Variants in PLCB1 observed in about 807,000 individuals in gnomAD.
The protein encoded by PLCB1 is 1-phosphatidylinositol 4,5-bisphosphate phosphodiesterase beta-1.
PLCB1 carries 46 observed loss-of-function variants against 161.8 expected under a neutral mutation model. The ratio of observed to expected loss-of-function variants is 0.28; its 90% CI spans 0.22 to 0.36. The LOEUF (loss-of-function observed/expected upper bound fraction) is 0.36. PLCB1 is among the 10% of genes least tolerant of loss of function. PLCB1 has a pLI of 1.00. For missense variants in PLCB1, 1,016 were observed against 1,472.5 expected (o/e 0.69, Z 5.07); for synonymous variants, 517 against 503.7 (o/e 1.03, Z -0.35).
chr20:8,384,490 T>A (rs1411284937), intron 3 of PLCB1, among the ~76,000 whole-genome samples: 3 of 152,030 alleles, frequency 2.0e-5, no homozygotes, highest in African/African-American at 7.2e-5. Context: ...TCAGTGGAGT[T>A]TTTTATTATC....
At chr20:8,559,087 C>A (rs1600152709) in intron 3 of PLCB1, among the ~76,000 whole-genome samples, 1 of 151,678 alleles carries the variant, frequency 6.6e-6, no homozygotes, top group African/African-American at 2.4e-5. Flanking sequence ...CCTCTTTTTT[C>A]TCATATGATT....
intron 2 of PLCB1, among the ~76,000 whole-genome samples, chr20:8,365,994 A>C (rs567194877): frequency 5.9e-5 from 9 of 152,160 alleles, no homozygotes; most frequent in African/African-American, 1.9e-4. Context: ...CTCATCTACC[A>C]CACAGTATGC....
At chr20:8,361,355 C>T (rs549638623) in intron 2 of PLCB1, among the ~76,000 whole-genome samples, 12 of 152,128 alleles carry the variant, frequency 7.9e-5, no homozygotes, top group Admixed American at 2.0e-4. Context: ...ATGCCCTACC[C>T]GTTCTAGACC....
At chr20:8,152,946 C>T (rs1284749611) in intron 2 of PLCB1, among the ~76,000 whole-genome samples, 2 of 152,102 alleles carry the variant, frequency 1.3e-5, no homozygotes, top group East Asian at 3.9e-4. Context: ...TATGCATGTC[C>T]GTCTCTTGTC....
chr20:8,166,186 C>T (rs1451995345), intron 2 of PLCB1, among the ~76,000 whole-genome samples: 1 of 152,070 alleles, frequency 6.6e-6, no homozygotes, highest in African/African-American at 2.4e-5. Flanking sequence ...CCTGCCTATG[C>T]TCTCCCCATT....
At chr20:8,501,964 A>G (rs1406185079) in intron 3 of PLCB1, among the ~76,000 whole-genome samples, 1 of 142,616 alleles carries the variant, frequency 7.0e-6, no homozygotes, top group South Asian at 2.3e-4. Context: ...TATTCTCCAA[A>G]GTTGATATTG....
intron 3 of PLCB1, among the ~76,000 whole-genome samples, chr20:8,507,659 C>CA (rs1358157688): frequency 1.3e-5 from 2 of 152,056 alleles, no homozygotes; most frequent in Non-Finnish European, 2.9e-5. Flanking sequence ...TAAAAATTTA[C>CA]AACAAGGAAG....
At chr20:8,658,827 C>T (rs2076639) in intron 9 of PLCB1, 123 bp downstream of exon 9, 8 of 776,796 alleles carry the variant, frequency 1.0e-5, no homozygotes, top group Middle Eastern at 2.5e-4. Context: ...GCATTCCTTT[C>T]GGTCTGAAAT....
intron 2 of PLCB1, among the ~76,000 whole-genome samples, chr20:8,254,908 A>C (rs1349778347): frequency 1.3e-5 from 2 of 152,010 alleles, no homozygotes; most frequent in African/African-American, 4.8e-5. Flanking sequence ...TTGCCAATTA[A>C]CCCAATGGAG....
At chr20:8,764,311 T>G (rs994673110) in intron 25 of PLCB1, among the ~76,000 whole-genome samples, 10 of 152,200 alleles carry the variant, frequency 6.6e-5, no homozygotes, top group African/African-American at 2.4e-4. Context: ...TGTACCAGCT[T>G]ATGATGTTTA....
intron 31 of PLCB1, among the ~76,000 whole-genome samples, chr20:8,851,537 C>T (rs34981336): frequency 0.12 from 18,577 of 152,134 alleles, 1,384 homozygotes; most frequent in South Asian, 0.22. Context: ...TGCATGCCAA[C>T]TCCATCATAT....
intron 23 of PLCB1, among the ~76,000 whole-genome samples, chr20:8,752,590 C>A (rs6056064): frequency 0.22 from 33,755 of 151,772 alleles, 3,772 homozygotes; most frequent in Middle Eastern, 0.36. Flanking sequence ...GTCAGGAGTT[C>A]GAGACCAGCC....
chr20:8,367,288 G>A (rs932541613), intron 2 of PLCB1, among the ~76,000 whole-genome samples: 9 of 152,216 alleles, frequency 5.9e-5, no homozygotes, highest in Non-Finnish European at 8.8e-5. Flanking sequence ...CAACATGAGT[G>A]AGTATATAAT....
At chr20:8,849,157 G>A (rs1484430427) in intron 31 of PLCB1, among the ~76,000 whole-genome samples, 3 of 152,272 alleles carry the variant, frequency 2.0e-5, no homozygotes, top group African/African-American at 7.2e-5. Context: ...AAATAAAAGA[G>A]AAGCCAAACA....
At chr20:8,409,458 T>TATTATTATC (rs1978942366) in intron 3 of PLCB1, among the ~76,000 whole-genome samples, 1 of 150,692 alleles carries the variant, frequency 6.6e-6, no homozygotes, top group South Asian at 2.1e-4. Context: ...TTATTATTAT[T>TATTATTATC]ATTATTGTTA....
At position 8,729,121 on chromosome 20, in the gene PLCB1, A is replaced by G. The variant is rs1980094705; in HGVS notation, c.1835A>G (p.Gln612Arg). The G allele has an allele frequency of 6.2e-7, 1 of 1,612,420 alleles. No homozygotes were observed. ...TRVDSSNYMP[Q>R]LFWNAGCQMV... is the part of the protein sequence containing the mutation. The stretch of plus-strand genomic sequence containing the variant: ...GTGGATTCATCCAACTATATGCCTC[A>G]GCTCTTCTGGAATGCAGGTTGTCAG... Residue 612 changes from glutamine (Q) to arginine (R), a missense_variant, in exon 18 of 32, where the codon CAG becomes CGG. Coordinates refer to ENST00000338037, the MANE Select transcript of PLCB1 (RefSeq NM_015192.4).
chr20:8,217,504 G>C (rs1405371133), intron 2 of PLCB1, among the ~76,000 whole-genome samples: 1 of 152,128 alleles, frequency 6.6e-6, no homozygotes, highest in Admixed American at 6.6e-5. Context: ...GAAAGGTGTA[G>C]CTGTTCAATA....
chr20:8,324,331 C>A lies in PLCB1; in HGVS notation c.178-47051C>A, dbSNP rs149366653. Among the ~76,000 whole-genome samples, 736 of 151,440 alleles carry A rather than the reference C, an allele frequency of 4.9e-3. 7 individuals carry two copies. Among genetic ancestry groups the A allele is most frequent in the African/African-American group, 0.017 (695 of 41,284 alleles). ...ACATGTATTCAGTTTTGATATTTTC[C>A]GTAAGAGTCAGGCAAAAGTTCCCAA... is the stretch of plus-strand genomic sequence containing the variant. On this transcript the variant is annotated intron_variant, in intron 2 of 31. Transcript: ENST00000338037.
At chr20:8,353,370 A>T (rs766853267) in intron 2 of PLCB1, among the ~76,000 whole-genome samples, 14 of 152,154 alleles carry the variant, frequency 9.2e-5, no homozygotes, top group Non-Finnish European at 1.8e-4. Context: ...ATTCTCCCAT[A>T]TAGGATACCA....
Sources: allele counts gnomAD v4.1 joint callset (sites outside exome capture counted in the v4.1 genomes callset), GRCh38; gene constraint gnomAD v4.1.1; transcripts MANE v1.5; gene names NCBI Gene and HGNC (gene_info 2026-07-23, HGNC 2026-07-21).